SYNE1: variants seen among roughly 807,000 people sequenced by gnomAD.
SYNE1 encodes spectrin repeat containing nuclear envelope protein 1.
SYNE1 carries 616 observed loss-of-function variants against 1,111.0 expected under a neutral mutation model. The ratio of observed to expected loss-of-function variants is 0.55; its 90% CI spans 0.52 to 0.59. SYNE1 has a LOEUF of 0.59. Among genes scored for constraint, SYNE1 ranks in the 20% least tolerant of loss-of-function variants. SYNE1 has a pLI of 0.00. For synonymous variants in SYNE1, 3,855 were observed against 3,825.8 expected (o/e 1.01, Z -0.28); for missense variants, 10,006 against 10,417.0 (o/e 0.96, Z 1.72).
intron 6 of SYNE1, among the ~76,000 whole-genome samples, chr6:152,514,541 G>A (rs571193851): frequency 2.6e-5 from 4 of 151,846 alleles, no homozygotes; most frequent in African/African-American, 9.7e-5. Flanking sequence ...TGGGTTGGTG[G>A]GTGCAGCAAA....
chr6:152,297,344 TC>T (rs1200250342), intron 93 of SYNE1, among the ~76,000 whole-genome samples: 2 of 152,126 alleles, frequency 1.3e-5, no homozygotes, highest in African/African-American at 4.8e-5. Flanking sequence ...AAGGGGGCCA[TC>T]CTTGACCTCT....
intron 104 of SYNE1, among the ~76,000 whole-genome samples, chr6:152,253,882 A>C (rs969089999): frequency 4.1e-5 from 5 of 122,966 alleles, no homozygotes; most frequent in African/African-American, 1.5e-4. Context: ...CTCCACATGA[A>C]ACTCTTGGCC....
chr6:152,273,461 A>G (rs1320993501), intron 98 of SYNE1, among the ~76,000 whole-genome samples: 1 of 152,008 alleles, frequency 6.6e-6, no homozygotes, highest in African/African-American at 2.4e-5. Context: ...TTTTTAAGTT[A>G]AATATTATTA....
intron 22 of SYNE1, chr6:152,456,527 A>AT (rs1449448659): frequency 5.2e-6 from 1 of 191,176 alleles, no homozygotes; most frequent in East Asian, 1.4e-4. Flanking sequence ...AATTTATAAT[A>AT]TTTGAAGGTG....
At position 152,351,355 on chromosome 6, in the gene SYNE1, A is replaced by T. The variant is rs80221005; in HGVS notation, c.11581-585T>A. 3.4e-3 allele frequency among the ~76,000 whole-genome samples: 514 copies of T among 152,362 alleles called. 3 individuals are homozygous for T. The highest frequency in any genetic ancestry group is 0.012 in the African/African-American group (492 of 41,596). The stretch of plus-strand genomic sequence containing the variant: ...GGAAGAGGCCGTCACAGAAGCTTCC[A>T]ACAGGGAAAGCTTTGGGGTAAGCCA... On this transcript the variant is annotated intron_variant, in intron 70 of 145. Transcript: ENST00000367255.
At chr6:152,199,292 A>C (rs1031584679) in intron 127 of SYNE1, among the ~76,000 whole-genome samples, 3 of 152,154 alleles carry the variant, frequency 2.0e-5, no homozygotes, top group Admixed American at 1.3e-4. Context: ...TGCTGATCAC[A>C]CTGATGAAAT....
chr6:152,435,276 G>C (rs2098462955), intron 33 of SYNE1: 1 of 151,798 alleles, frequency 6.6e-6, no homozygotes, highest in Non-Finnish European at 1.5e-5. Context: ...GAAATGTTTA[G>C]CCATATTGTT....
At chr6:152,381,633 C>T (rs1233841208) in intron 55 of SYNE1, 11 of 506,844 alleles carry the variant, frequency 2.2e-5, no homozygotes, top group Admixed American at 9.6e-5. Flanking sequence ...ATTATTCGCA[C>T]ACGTGAAAAT....
At position 152,417,210 on chromosome 6, in the gene SYNE1, A is replaced by G. The variant is rs214989; in HGVS notation, c.5422-195T>C. 0.18 allele frequency among the ~76,000 whole-genome samples: 27,482 copies of G among 152,192 alleles called. 2,575 individuals carry two copies. The highest frequency in any genetic ancestry group is 0.32 in the Middle Eastern group (93 of 294). On this transcript the variant is annotated intron_variant, in intron 40 of 145. Coordinates refer to ENST00000367255, the MANE Select transcript of SYNE1 (RefSeq NM_182961.4). The stretch of plus-strand genomic sequence containing the variant: ...GATCCACATTTGTTAAATAAAACAC[A>G]ACTCTGGGCCAGGCGCGGTGGCTCA...
At chr6:152,519,957 C>T (rs746226808) in intron 6 of SYNE1, among the ~76,000 whole-genome samples, 9 of 151,974 alleles carry the variant, frequency 5.9e-5, no homozygotes, top group Admixed American at 2.6e-4. Context: ...AACCTAATCA[C>T]GAGAAAATAT....
At chr6:152,526,335 A>G (rs895821297) in intron 4 of SYNE1, among the ~76,000 whole-genome samples, 160 bp from the exon 5 acceptor site, 5 of 152,158 alleles carry the variant, frequency 3.3e-5, no homozygotes, top group Non-Finnish European at 7.4e-5. Flanking sequence ...TTGCCTTTCG[A>G]TAACTGTGAG....
chr6:152,547,919 T>A (rs2128105500), intron 3 of SYNE1, among the ~76,000 whole-genome samples: 1 of 152,338 alleles, frequency 6.6e-6, no homozygotes, highest in Middle Eastern at 3.4e-3. Context: ...TCATAATGGA[T>A]GTGTTAATTG....
intron 102 of SYNE1, 95 bp from the exon 103 acceptor site, chr6:152,255,841 T>C (rs1041756816): frequency 2.0e-5 from 28 of 1,389,900 alleles, no homozygotes; most frequent in South Asian, 1.6e-4. Flanking sequence ...CTCACACCTG[T>C]AATCTGAGCA....
At chr6:152,510,982 C>G in intron 7 of SYNE1, 29 bp downstream of exon 7, 1 of 1,590,186 alleles carries the variant, frequency 6.3e-7, no homozygotes, top group East Asian at 2.2e-5. Flanking sequence ...GACATTGCAT[C>G]AACTGAAAGA....
intron 91 of SYNE1, among the ~76,000 whole-genome samples, chr6:152,304,210 A>G (rs546692645): frequency 3.1e-4 from 47 of 152,368 alleles, no homozygotes; most frequent in African/African-American, 1.1e-3. Context: ...AATGACATTT[A>G]CTGCAACTAG....
intron 143 of SYNE1, 113 bp downstream of exon 143, chr6:152,133,163 G>T: frequency 1.9e-6 from 2 of 1,034,364 alleles, no homozygotes; most frequent in Non-Finnish European, 3.0e-6. Flanking sequence ...GCTGAAAGGA[G>T]ACACTCCATT....
At chr6:152,313,562 A>C (rs1251485224) in intron 87 of SYNE1, among the ~76,000 whole-genome samples, 2 of 150,912 alleles carry the variant, frequency 1.3e-5, no homozygotes, top group Non-Finnish European at 2.9e-5. Context: ...TCCCAGGTTC[A>C]AGCGATTCTC....
At chr6:152,508,912 T>C (rs2099071262) in intron 8 of SYNE1, among the ~76,000 whole-genome samples, 1 of 152,210 alleles carries the variant, frequency 6.6e-6, no homozygotes, top group South Asian at 2.1e-4. Context: ...AATTACATCC[T>C]TTGTTTCTCT....
intron 3 of SYNE1, among the ~76,000 whole-genome samples, chr6:152,582,708 A>C (rs1191419608): frequency 6.6e-6 from 1 of 152,010 alleles, no homozygotes; most frequent in East Asian, 1.9e-4. Context: ...CTATCTGATA[A>C]GTTATTTTTC....
Sources: gnomAD v4.1 joint callset for allele counts (sites outside exome capture counted in the v4.1 genomes callset) on GRCh38, gnomAD v4.1.1 for gene constraint, MANE v1.5 for transcripts, NCBI Gene and HGNC (gene_info 2026-07-23, HGNC 2026-07-21) for gene names.